ST6GALNAC2: variants seen among roughly 807,000 people sequenced by gnomAD.
ST6GALNAC2 encodes ST6 N-acetylgalactosaminide alpha-2,6-sialyltransferase 2, also known as alpha-N-acetylgalactosaminide alpha-2,6-sialyltransferase 2.
A neutral mutation model predicts 38.7 loss-of-function variants in ST6GALNAC2; 42 were observed. That is an observed-to-expected ratio of 1.09 (90% CI 0.85 to 1.40). ST6GALNAC2 has a LOEUF of 1.40. Among genes scored for constraint, ST6GALNAC2 ranks in the 40% most tolerant of loss-of-function variants. The pLI is 0.00. For missense variants in ST6GALNAC2, 506 were observed against 481.7 expected, an observed-to-expected ratio of 1.05 and a Z score of -0.47; for synonymous variants, 233 against 209.0, an observed-to-expected ratio of 1.11 and a Z score of -0.99.
At chr17:76,582,338 A>ATTTTT (rs71158026) in intron 1 of ST6GALNAC2, among the ~76,000 whole-genome samples, 5,949 of 115,238 alleles carry the variant, frequency 0.052, 301 homozygotes, top group African/African-American at 0.09. Context: ...ATGCCTGGCT[A>ATTTTT]TTTTTTTTTT....
In ST6GALNAC2 at chr17:76,570,644, A is replaced by G. The variant is rs757957362; in HGVS notation, c.694T>C (p.Ser232Pro). ...GQDLQYIFIP[S>P]DIRDYVMLRS... ...AGCATCACATAGTCGCGGATGTCTGAGGGGATGAAGATATACTGCAGGTCC... is the reference window on the plus strand; with the variant it reads ...AGCATCACATAGTCGCGGATGTCTGGGGGGATGAAGATATACTGCAGGTCC... Residue 232 changes from serine to proline, a missense_variant, in exon 6 of 9, where the codon TCA (serine) becomes CCA (proline). Transcript: ENST00000225276. 8 of 1,612,640 alleles carry G rather than the reference A, an allele frequency of 5.0e-6. No individual in the cohort carries two copies. In the South Asian group the frequency reaches 6.6e-5, roughly 13 times the overall value.
At chr17:76,568,404 TGAC>T in intron 7 of ST6GALNAC2, 1 of 409,786 alleles carries the variant, frequency 2.4e-6, no homozygotes, top group Non-Finnish European at 4.4e-6. Context: ...GCCCTGCTGC[TGAC>T]GGCGCCACTG....
chr17:76,568,666 AAG>A, intron 7 of ST6GALNAC2, 45 bp downstream of exon 7: 4 of 1,599,966 alleles, frequency 2.5e-6, no homozygotes, highest in Non-Finnish European at 3.4e-6. Context: ...GGGTGTGTAA[AAG>A]GGGGAAGGAA....
chr17:76,571,709 G>A lies in ST6GALNAC2; in HGVS notation c.669+928C>T, dbSNP rs149910085. On this transcript the variant is annotated intron_variant, in intron 5 of 8. Coordinates refer to ENST00000225276, the MANE Select transcript of ST6GALNAC2 (RefSeq NM_006456.3). ...ATGGTAGGACACTCCTTAAGCCCCT[G>A]GTCAGGGGAGGAAGCTTCTAGAAAC... is the stretch of plus-strand genomic sequence containing the variant. Among the ~76,000 whole-genome samples, 693 of 152,300 alleles carry A rather than the reference G, an allele frequency of 4.6e-3. 2 individuals are homozygous for A. Among genetic ancestry groups the A allele is most frequent in the African/African-American group, 0.015 (634 of 41,554 alleles).
intron 1 of ST6GALNAC2, among the ~76,000 whole-genome samples, chr17:76,584,032 G>T (rs2075513379): frequency 7.0e-5 from 1 of 14,192 alleles, no homozygotes; most frequent in Non-Finnish European, 2.0e-4. Flanking sequence ...TGAAAGCCAG[G>T]TCAGGAGGAT....
At chr17:76,574,614 G>T in intron 2 of ST6GALNAC2, 75 bp from the exon 3 acceptor site, 1 of 1,305,938 alleles carries the variant, frequency 7.7e-7, no homozygotes, top group East Asian at 2.8e-5. Context: ...GACCCTGCAG[G>T]GGAGTTGCGA....
chr17:76,585,707 G>C lies in ST6GALNAC2; in HGVS notation c.102C>G (p.Tyr34Ter), dbSNP rs942047880. 6.5e-7 allele frequency: 1 copy of C among 1,530,938 alleles called. No homozygotes were observed. Among genetic ancestry groups the C allele is most frequent in the East Asian group, 2.5e-5 (1 of 39,324 alleles). The allele number at this position is 1,530,938 out of a possible 1,614,324, so 94.8% of individuals were successfully genotyped here. A position where few individuals can be genotyped will look rare whatever the true frequency, so the allele number is the denominator to read the frequency against. The change falls in exon 1 of 9, where the codon TAC becomes TAG. Residue 34 changes from tyrosine to a stop codon, truncating the protein, a stop_gained. Coordinates refer to ENST00000225276, the MANE Select transcript of ST6GALNAC2 (RefSeq NM_006456.3). LOFTEE classifies it high-confidence loss of function. The part of the protein sequence containing the change: ...FALYFSAVQR[Y>*]PGPAAGARDT... Reference sequence around the variant, plus strand: ...ACCTGGCTCCGGCCGCTGGCCCCGGGTACCGCTGCACCGCCGAGAAGTACA... The same window carrying C: ...ACCTGGCTCCGGCCGCTGGCCCCGGCTACCGCTGCACCGCCGAGAAGTACA...
At chr17:76,582,164 C>CTTTTTTTTTTTT (rs71158025) in intron 1 of ST6GALNAC2, among the ~76,000 whole-genome samples, 9 of 62,060 alleles carry the variant, frequency 1.5e-4, no homozygotes, top group African/African-American at 5.3e-4. Context: ...CGTGCCCAGC[C>CTTTTTTTTTTTT]TTTTTTTTTT....
intron 1 of ST6GALNAC2, among the ~76,000 whole-genome samples, chr17:76,585,033 A>C (rs2143328051): frequency 6.6e-6 from 1 of 152,284 alleles, no homozygotes; most frequent in South Asian, 2.1e-4. Context: ...AGGAGGAGGG[A>C]GTGGAGCGCA....
chr17:76,570,218 G>A (rs536173261), intron 6 of ST6GALNAC2: 152 of 262,230 alleles, frequency 5.8e-4, no homozygotes, highest in African/African-American at 2.9e-3. Flanking sequence ...TCTGTGACCC[G>A]GAGCCGCTGG....
At position 76,574,351 on chromosome 17, in the gene ST6GALNAC2, C is replaced by T. The variant is rs181418692; in HGVS notation, c.361+14G>A. On this transcript the variant is annotated intron_variant, in intron 3 of 8. Transcript: ENST00000225276. Reference sequence around the variant, plus strand: ...AAGGCAGAAGGCAGGTGAGAGACAGCGGGCGCGGGTTACCTTGGTGAGAGA... The same window carrying T: ...AAGGCAGAAGGCAGGTGAGAGACAGTGGGCGCGGGTTACCTTGGTGAGAGA... 1,116 of 1,605,532 alleles carry T rather than the reference C, an allele frequency of 7.0e-4. 1 individual carries two copies. Among genetic ancestry groups the T allele is most frequent in the Admixed American group, 1.3e-3 (78 of 59,444 alleles).
rs538581078 is a variant in ST6GALNAC2, at chr17:76,577,913, C to G, written c.186+843G>C. Among the ~76,000 whole-genome samples, 5 of 152,260 alleles carry G rather than the reference C, an allele frequency of 3.3e-5. No individual in the cohort carries two copies. The South Asian group carries it at 1.0e-3, about 32-fold the overall frequency. ...ACAGGGCCCCCATCACCTGCCCGGG[C>G]TACTTGCTGTGTCTCTGAACAGCTT... On this transcript the variant is annotated intron_variant, in intron 2 of 8. Transcript: ENST00000225276.
chr17:76,570,129 A>C, intron 6 of ST6GALNAC2: 1 of 177,824 alleles, frequency 5.6e-6, no homozygotes, highest in Non-Finnish European at 1.2e-5. Context: ...AAGGATGCCC[A>C]GCAGGAGGAG....
intron 2 of ST6GALNAC2, among the ~76,000 whole-genome samples, chr17:76,575,458 C>T (rs1442757215): frequency 1.3e-5 from 2 of 151,786 alleles, no homozygotes; most frequent in Non-Finnish European, 2.9e-5. Context: ...GGAAAGAGGC[C>T]GGGTGATGAT....
chr17:76,572,539 T>C (rs2075363695), intron 5 of ST6GALNAC2, 98 bp downstream of exon 5: 2 of 1,426,844 alleles, frequency 1.4e-6, no homozygotes, highest in African/African-American at 1.4e-5. Flanking sequence ...CAGCATCCAC[T>C]GGACCAGGGT....
intron 1 of ST6GALNAC2, among the ~76,000 whole-genome samples, chr17:76,583,650 C>T (rs929629102): frequency 6.6e-6 from 1 of 150,528 alleles, no homozygotes. Context: ...AGGGCTACCC[C>T]ATAGGCAGTG....
rs1356919086 is a variant in ST6GALNAC2 at position 76,572,865 on chromosome 17, C to T, written c.531-90G>A. 3 of 1,519,922 alleles carry T rather than the reference C, an allele frequency of 2.0e-6. No individual in the cohort carries two copies. In the South Asian group the frequency reaches 3.4e-5, roughly 17 times the overall value. The allele number at this position is 1,519,922 out of a possible 1,614,324, so 94.2% of individuals were successfully genotyped here. On this transcript the variant is annotated intron_variant, in intron 4 of 8. Transcript: ENST00000225276. ...CCACGGCTCTGCCTGGCCTATCCCCCTGCCTCTGTATGACCACTCCTTCTG... is the reference window on the plus strand; with the variant it reads ...CCACGGCTCTGCCTGGCCTATCCCCTTGCCTCTGTATGACCACTCCTTCTG...
Position 76,574,441 on chromosome 17 carries a change from G to T in ST6GALNAC2, c.285C>A (p.Asp95Glu), listed in dbSNP as rs752099031. ...NLSIPVLLWG[D>E]LFTPALWDRL... is the part of the protein sequence containing the mutation. Reference sequence around the variant, plus strand: ...GGTCCCAGAGCGCTGGGGTGAAGAGGTCCCCCCACAGCAGCACTGGAATGG... The same window carrying T: ...GGTCCCAGAGCGCTGGGGTGAAGAGTTCCCCCCACAGCAGCACTGGAATGG... The change falls in exon 3 of 9, where the codon GAC becomes GAA. Residue 95 changes from aspartate (D) to glutamate (E), a missense_variant. By Grantham distance (45) the Asp-to-Glu change is conservative. Coordinates refer to ENST00000225276, the MANE Select transcript of ST6GALNAC2 (RefSeq NM_006456.3). 7 of 1,613,796 alleles carry T rather than the reference G, an allele frequency of 4.3e-6. No homozygotes were observed. In the Admixed American group the frequency reaches 8.3e-5, roughly 19 times the overall value.
In ST6GALNAC2 at chr17:76,574,429, T is replaced by G; in HGVS notation, c.297A>C (p.Pro99=). 3.1e-6 allele frequency: 5 copies of G among 1,613,860 alleles called. No homozygotes were observed. The highest frequency in any genetic ancestry group is 4.2e-6 in the Non-Finnish European group (5 of 1,179,962). Residue 99 remains proline, a synonymous_variant, in exon 3 of 9, where the codon CCA becomes CCC. Coordinates refer to ENST00000225276, the MANE Select transcript of ST6GALNAC2 (RefSeq NM_006456.3). ...PVLLWGDLFT[P]ALWDRLSQHK... is the part of the protein sequence containing the mutation. ...GTTGGCTCAGGCGGTCCCAGAGCGC[T>G]GGGGTGAAGAGGTCCCCCCACAGCA... is the stretch of plus-strand genomic sequence containing the variant.
Sources: allele counts gnomAD v4.1 joint callset (sites outside exome capture counted in the v4.1 genomes callset), GRCh38; gene constraint gnomAD v4.1.1; transcripts MANE v1.5; gene names NCBI Gene and HGNC (gene_info 2026-07-23, HGNC 2026-07-21).